The following NEXMIF variants were observed in gnomAD, a reference collection of about 807,000 sequenced individuals.
NEXMIF encodes XLMR protein related to neurite extension.
NEXMIF carries 8 observed loss-of-function variants against 62.1 expected under a neutral mutation model. That is an observed-to-expected ratio of 0.13 (90% CI 0.08 to 0.23). NEXMIF has a LOEUF of 0.23. Among genes scored for constraint, NEXMIF ranks in the 10% least tolerant of loss-of-function variants. The pLI is 1.00. For missense variants in NEXMIF, 976 were observed against 1,113.3 expected (o/e 0.88, Z 1.75); for synonymous variants, 404 against 416.6 (o/e 0.97, Z 0.37).
intron 1 of NEXMIF, among the ~76,000 whole-genome samples, chrX:74,832,159 A>G (rs1029901612): frequency 2.7e-5 from 3 of 111,486 alleles, no homozygotes; most frequent in African/African-American, 9.8e-5. Context: ...TTTTTTCCAG[A>G]TAGTTTGAGT....
intron 1 of NEXMIF, among the ~76,000 whole-genome samples, chrX:74,844,015 G>A (rs1281515641): frequency 8.9e-6 from 1 of 111,818 alleles, no homozygotes; most frequent in Non-Finnish European, 1.9e-5. Context: ...ATCTGAAAAG[G>A]ATCTTATTTC....
intron 1 of NEXMIF, among the ~76,000 whole-genome samples, chrX:74,826,984 G>A (rs1488097426): frequency 9.0e-6 from 1 of 111,594 alleles, no homozygotes; most frequent in Non-Finnish European, 1.9e-5. Context: ...GACCTACAGG[G>A]ACTTATTTGC....
chrX:74,788,957 T>A (rs1241474864), intron 1 of NEXMIF, among the ~76,000 whole-genome samples: 2 of 110,155 alleles, frequency 1.8e-5, no homozygotes. Context: ...TATTCTTTTA[T>A]TTATTTATTT....
intron 1 of NEXMIF, among the ~76,000 whole-genome samples, chrX:74,856,499 A>T (rs2080535577): frequency 9.0e-6 from 1 of 111,484 alleles, no homozygotes; most frequent in Non-Finnish European, 1.9e-5. Flanking sequence ...AAAGGACGAA[A>T]AGAATACAGT....
intron 1 of NEXMIF, among the ~76,000 whole-genome samples, chrX:74,817,928 A>T (rs1396212085): frequency 3.6e-5 from 4 of 111,279 alleles, no homozygotes; most frequent in African/African-American, 1.3e-4. Context: ...CAAAAAAATG[A>T]CAAAATACTG....
chrX:74,839,586 C>T (rs538611066), intron 1 of NEXMIF, among the ~76,000 whole-genome samples: 2 of 111,370 alleles, frequency 1.8e-5, no homozygotes, highest in Non-Finnish European at 3.8e-5. Flanking sequence ...CTCAAGTAGA[C>T]CCCAGTGTCT....
At chrX:74,856,222 T>C (rs1279807258) in intron 1 of NEXMIF, among the ~76,000 whole-genome samples, 2 of 112,030 alleles carry the variant, frequency 1.8e-5, no homozygotes, top group Non-Finnish European at 3.8e-5. Context: ...AGACTATGAA[T>C]AAAGACACAT....
chrX:74,816,680 T>C (rs1398845103), intron 1 of NEXMIF, among the ~76,000 whole-genome samples: 1 of 111,982 alleles, frequency 8.9e-6, no homozygotes, highest in Non-Finnish European at 1.9e-5. Context: ...ATGGCATGAC[T>C]TCCTTTAAAA....
chrX:74,849,251 A>AAGAG (rs1308213082), intron 1 of NEXMIF, among the ~76,000 whole-genome samples: 1 of 112,468 alleles, frequency 8.9e-6, no homozygotes, highest in Non-Finnish European at 1.9e-5. Flanking sequence ...TTCAACAGAG[A>AAGAG]AGAGACAGGA....
At chrX:74,805,080 C>T (rs1219800258) in intron 1 of NEXMIF, among the ~76,000 whole-genome samples, 3 of 112,399 alleles carry the variant, frequency 2.7e-5, no homozygotes, top group African/African-American at 9.7e-5. Context: ...TCTTTCAAAC[C>T]CCAGATTCTT....
Position 74,742,095 on chromosome X carries a change from G to T in NEXMIF, c.2462C>A (p.Ala821Asp), listed in dbSNP as rs762214606. The change falls in exon 3 of 4, where the codon GCT (alanine) becomes GAT (aspartate). Residue 821 changes from alanine to aspartate, a missense_variant. This residue lies in a region of NEXMIF where 639 missense variants were observed against 694.5 expected (regional missense o/e 0.92). Coordinates refer to ENST00000055682, the MANE Select transcript of NEXMIF (RefSeq NM_001008537.3). ...PGGYLQTLLD[A>D]SDLSNNTSIS... Reference sequence around the variant, plus strand: ...ACTAGTGTTATTTGACAAGTCAGAAGCATCTAACAATGTCTGCAGATACCC... The same window carrying T: ...ACTAGTGTTATTTGACAAGTCAGAATCATCTAACAATGTCTGCAGATACCC... 3 of 1,208,766 alleles carry T rather than the reference G, an allele frequency of 2.5e-6. No homozygotes were observed. The highest frequency in any genetic ancestry group is 3.4e-6 in the Non-Finnish European group (3 of 894,117).
chrX:74,772,198 CAG>C (rs1267434208), intron 1 of NEXMIF, among the ~76,000 whole-genome samples: 1 of 112,245 alleles, frequency 8.9e-6, no homozygotes, highest in Admixed American at 9.5e-5. Flanking sequence ...TGAATGGAGA[CAG>C]AGCCGTGGAA....
At chrX:74,871,442 T>G (rs1240086292) in intron 1 of NEXMIF, among the ~76,000 whole-genome samples, 1 of 111,679 alleles carries the variant, frequency 9.0e-6, no homozygotes. Flanking sequence ...ATTGTCTTGA[T>G]AAACATCTTA....
chrX:74,764,605 TTTTTGGTTGGTAGGG>T (rs1451355121), intron 1 of NEXMIF, among the ~76,000 whole-genome samples: 2 of 111,722 alleles, frequency 1.8e-5, no homozygotes, highest in African/African-American at 6.5e-5. Context: ...TCCTGGACTT[TTTTTGGTTGGTAGGG>T]TTTTTATTAT....
At chrX:74,827,966 G>A (rs771898252) in intron 1 of NEXMIF, among the ~76,000 whole-genome samples, 13 of 111,799 alleles carry the variant, frequency 1.2e-4, no homozygotes, top group Non-Finnish European at 2.4e-4. Context: ...CATAAAATTG[G>A]TGCATATAGT....
chrX:74,865,877 G>A (rs1168755270), intron 1 of NEXMIF, among the ~76,000 whole-genome samples: 1 of 111,766 alleles, frequency 8.9e-6, no homozygotes, highest in African/African-American at 3.3e-5. Context: ...TTTCAGTGGT[G>A]GTATGGAAAT....
At chrX:74,891,446 A>AT (rs1308779422) in intron 1 of NEXMIF, among the ~76,000 whole-genome samples, 1 of 111,634 alleles carries the variant, frequency 9.0e-6, no homozygotes, top group Non-Finnish European at 1.9e-5. Context: ...CAATCAATAA[A>AT]TAATGCCAAA....
chrX:74,826,264 A>C (rs777052291), intron 1 of NEXMIF, among the ~76,000 whole-genome samples: 10 of 112,174 alleles, frequency 8.9e-5, no homozygotes, highest in South Asian at 7.3e-4. Context: ...TTTCTCTATC[A>C]GTGATATTGA....
chrX:74,834,364 T>C (rs1177482471), intron 1 of NEXMIF, among the ~76,000 whole-genome samples: 1 of 110,944 alleles, frequency 9.0e-6, no homozygotes, highest in Non-Finnish European at 1.9e-5. Flanking sequence ...CATTATAATA[T>C]TCTGTGTTTT....
Sources: allele counts gnomAD v4.1 joint callset (sites outside exome capture counted in the v4.1 genomes callset), GRCh38; gene constraint gnomAD v4.1.1; regional missense constraint gnomAD v4.1.1; transcripts MANE v1.5; gene names NCBI Gene and HGNC (gene_info 2026-07-23, HGNC 2026-07-21).